MCTP2: variants seen among roughly 807,000 people sequenced by gnomAD.
MCTP2 encodes the protein multiple C2 and transmembrane domain-containing protein 2.
A neutral mutation model predicts 111.6 loss-of-function variants in MCTP2; 132 were observed. The ratio of observed to expected loss-of-function variants is 1.18; its 90% CI spans 1.03 to 1.37. MCTP2 has a LOEUF of 1.37. MCTP2 is among the 40% of genes most tolerant of loss of function. The pLI is 0.00. For missense variants in MCTP2, 1,183 were observed against 1,067.9 expected, an observed-to-expected ratio of 1.11 and a Z score of -1.50; for synonymous variants, 395 against 387.7, an observed-to-expected ratio of 1.02 and a Z score of -0.22.
chr15:94,242,209 C>G (rs1282156060), intron 1 of MCTP2, among the ~76,000 whole-genome samples: 1 of 152,096 alleles, frequency 6.6e-6, no homozygotes, highest in Non-Finnish European at 1.5e-5. Flanking sequence ...AGACAAACCC[C>G]AGCTCAACTA....
At chr15:94,401,079 C>T (rs1052031127) in intron 16 of MCTP2, among the ~76,000 whole-genome samples, 2 of 152,082 alleles carry the variant, frequency 1.3e-5, no homozygotes, top group African/African-American at 2.4e-5. Context: ...CTGCCTGCAA[C>T]TGGGAGAGAG....
chr15:94,263,225 G>A (rs539822207), intron 1 of MCTP2, among the ~76,000 whole-genome samples: 37 of 152,182 alleles, frequency 2.4e-4, no homozygotes, highest in African/African-American at 8.9e-4. Flanking sequence ...TTTGGTTTTC[G>A]GCTGAATAGT....
At chr15:94,478,397 G>T (rs1596880938) in intron 22 of MCTP2, among the ~76,000 whole-genome samples, 1 of 152,220 alleles carries the variant, frequency 6.6e-6, no homozygotes, top group Admixed American at 6.5e-5. Context: ...CACAGTGACA[G>T]TTTGCCACTG....
chr15:94,423,019 A>C (rs1051776419), intron 17 of MCTP2, among the ~76,000 whole-genome samples: 7 of 152,144 alleles, frequency 4.6e-5, no homozygotes, highest in African/African-American at 1.7e-4. Flanking sequence ...TTACCTAAGC[A>C]CTTTCATTGT....
At chr15:94,463,735 G>A (rs1433947) in intron 20 of MCTP2, among the ~76,000 whole-genome samples, 152,290 of 152,312 alleles carry the variant, frequency 1, 76,134 homozygotes, top group Middle Eastern at 1. Flanking sequence ...GCTTTATCAG[G>A]TAAAGGAAGT....
intron 1 of MCTP2, among the ~76,000 whole-genome samples, chr15:94,275,306 A>C (rs1228988896): frequency 6.6e-6 from 1 of 152,194 alleles, no homozygotes; most frequent in Non-Finnish European, 1.5e-5. Context: ...GGATTAGGAA[A>C]AAATATAAAA....
At chr15:94,431,318 A>G (rs1011661902) in intron 17 of MCTP2, among the ~76,000 whole-genome samples, 1 of 152,224 alleles carries the variant, frequency 6.6e-6, no homozygotes, top group African/African-American at 2.4e-5. Flanking sequence ...AAAGTCCTGA[A>G]CATCGTTTTA....
intron 17 of MCTP2, among the ~76,000 whole-genome samples, chr15:94,412,936 T>G (rs920229834): frequency 1.3e-5 from 2 of 152,244 alleles, no homozygotes; most frequent in African/African-American, 4.8e-5. Flanking sequence ...TGTGGCCTCA[T>G]TAACTGCACC....
At chr15:94,458,030 C>G in intron 19 of MCTP2, 107 bp from the exon 20 acceptor site, 2 of 640,944 alleles carry the variant, frequency 3.1e-6, no homozygotes, top group South Asian at 3.9e-5. Flanking sequence ...TCTCTTGTGT[C>G]ACTCTATTGG....
chr15:94,478,992 C>T lies in MCTP2; in HGVS notation c.2595C>T (p.Cys865=). 1 of 1,614,072 alleles carries T rather than the reference C, an allele frequency of 6.2e-7. No individual in the cohort carries two copies. Among genetic ancestry groups the T allele is most frequent in the Non-Finnish European group, 8.5e-7 (1 of 1,180,008 alleles). ...QKVQYAELKL[C]SSHSPLRKKR... is the part of the protein sequence containing the mutation. Reference sequence around the variant, plus strand: ...TGCAGTATGCAGAATTGAAACTCTGCAGCAGCCACAGCCCCCTGCGGAAGA... The same window carrying T: ...TGCAGTATGCAGAATTGAAACTCTGTAGCAGCCACAGCCCCCTGCGGAAGA... Residue 865 remains cysteine (C), a synonymous_variant, in exon 23 of 23, where the codon TGC becomes TGT. Coordinates refer to ENST00000357742, the MANE Select transcript of MCTP2 (RefSeq NM_001385001.1).
intron 2 of MCTP2, among the ~76,000 whole-genome samples, chr15:94,305,845 C>T (rs561312557): frequency 8.6e-4 from 131 of 152,170 alleles, no homozygotes; most frequent in African/African-American, 2.9e-3. Flanking sequence ...TAAGGGAACT[C>T]GGAGGGAGAG....
intron 2 of MCTP2, among the ~76,000 whole-genome samples, chr15:94,313,172 C>T (rs185686286): frequency 4.3e-4 from 66 of 152,328 alleles, no homozygotes; most frequent in Non-Finnish European, 7.2e-4. Flanking sequence ...GGAATATCCT[C>T]AAATTGCTGG....
chr15:94,282,398 G>A (rs1330453679), intron 1 of MCTP2, among the ~76,000 whole-genome samples: 1 of 152,148 alleles, frequency 6.6e-6, no homozygotes, highest in African/African-American at 2.4e-5. Context: ...CAGAAGTTCA[G>A]TTGATTCTTT....
intron 10 of MCTP2, among the ~76,000 whole-genome samples, chr15:94,365,125 A>G (rs932814728): frequency 1.3e-5 from 2 of 152,202 alleles, no homozygotes; most frequent in African/African-American, 4.8e-5. Flanking sequence ...CCATGTCCAG[A>G]AAGACTAAGT....
intron 1 of MCTP2, among the ~76,000 whole-genome samples, chr15:94,244,345 C>A (rs745905709): frequency 6.8e-6 from 1 of 147,776 alleles, no homozygotes; most frequent in Non-Finnish European, 1.5e-5. Context: ...TACACGTATA[C>A]GTATACACAT....
intron 1 of MCTP2, among the ~76,000 whole-genome samples, chr15:94,243,421 G>T (rs1432297217): frequency 6.8e-6 from 1 of 146,344 alleles, no homozygotes; most frequent in African/African-American, 2.6e-5. Context: ...ATACGTATGC[G>T]TATATGCGTA....
intron 10 of MCTP2, among the ~76,000 whole-genome samples, chr15:94,365,181 C>T (rs1249433430): frequency 6.6e-6 from 1 of 152,138 alleles, no homozygotes; most frequent in Non-Finnish European, 1.5e-5. Flanking sequence ...GCTAATATAT[C>T]AGTTTAACTT....
rs143094262 is a variant in MCTP2 at position 94,253,448 on chromosome 15, A to T, written c.-66+21784A>T. ...TTCCTCTCCAACACATATAATCAGC[A>T]AATTACAAAATTCAGCTTCTCAGTC... is the stretch of plus-strand genomic sequence containing the variant. On this transcript the variant is annotated intron_variant, in intron 1 of 22. Transcript: ENST00000357742. 1.1e-4 allele frequency among the ~76,000 whole-genome samples: 16 copies of T among 152,316 alleles called. 1 individual carries two copies. In the East Asian group the frequency reaches 2.7e-3, roughly 26 times the overall value.
chr15:94,447,292 T>G (rs1213979129), intron 19 of MCTP2, among the ~76,000 whole-genome samples: 1 of 152,210 alleles, frequency 6.6e-6, no homozygotes, highest in Non-Finnish European at 1.5e-5. Context: ...ATCTATAATA[T>G]CCTAACCAGA....
Sources: gnomAD v4.1 joint callset for allele counts (sites outside exome capture counted in the v4.1 genomes callset) on GRCh38, gnomAD v4.1.1 for gene constraint, MANE v1.5 for transcripts, NCBI Gene and HGNC (gene_info 2026-07-23, HGNC 2026-07-21) for gene names.